MAX: variants seen among roughly 807,000 people sequenced by gnomAD.
MAX encodes MYC associated transcriptional regulator X.
MAX carries 3 observed loss-of-function variants against 22.3 expected under a neutral mutation model. That is an observed-to-expected ratio of 0.13 (90% CI 0.06 to 0.35). The LOEUF is 0.35. MAX is among the 10% of genes least tolerant of loss of function. MAX has a pLI of 1.00. For synonymous variants in MAX, 72 were observed against 77.7 expected, an observed-to-expected ratio of 0.93 and a Z score of 0.39; for missense variants, 119 against 209.4, an observed-to-expected ratio of 0.57 and a Z score of 2.66.
chr14:65,102,689 C>G, upstream of MAX: 2 of 566,208 alleles, frequency 3.5e-6, no homozygotes, highest in Non-Finnish European at 4.4e-6. Context: ...GACGCCAGCC[C>G]GGCTTGTTGA....
At chr14:65,061,489 G>A in intron 3 of MAX, 3 of 1,174,306 alleles carry the variant, frequency 2.6e-6, no homozygotes, top group South Asian at 3.4e-5. Context: ...GAACACAGTG[G>A]CTGGTTTTAA....
At chr14:65,053,338 T>C in intron 3 of MAX, 1 of 1,438,056 alleles carries the variant, frequency 7.0e-7, no homozygotes, top group South Asian at 1.6e-5. Flanking sequence ...GGCTTCTGGA[T>C]AAACCTGGCA....
intron 3 of MAX, among the ~76,000 whole-genome samples, chr14:65,018,148 T>C (rs1029824013): frequency 6.6e-6 from 1 of 151,518 alleles, no homozygotes; most frequent in Non-Finnish European, 1.5e-5. Flanking sequence ...TCAAGACCAG[T>C]CTGGGCGACA....
rs1291213166 is a variant in MAX at position 65,028,292 on chromosome 14, G to A, written c.172-22008C>T. On this transcript the variant is annotated intron_variant, in intron 3 of 3. Coordinates refer to the MAX transcript ENST00000341653. This position sits in a 1 kb window ranked among gnomAD's most constrained non-coding sequence, Gnocchi z 4.4. ...TGCAATAAAATCGCATTAACTGATT[G>A]GTGCCAGTTAGCTCGAAATTATTAT... Among the ~76,000 whole-genome samples, 2 of 152,152 alleles carry A rather than the reference G, an allele frequency of 1.3e-5. No individual in the cohort carries two copies. Among genetic ancestry groups the A allele is most frequent in the African/African-American group, 4.8e-5 (2 of 41,426 alleles).
Position 65,077,014 on chromosome 14 carries a change from C to T in MAX, c.296-351G>A, listed in dbSNP as rs1185520436. 1 of 542,738 alleles carries T rather than the reference C, an allele frequency of 1.8e-6. No individual in the cohort carries two copies. The highest frequency in any genetic ancestry group is 1.9e-5 in the African/African-American group (1 of 52,840). The allele number at this position is 542,738 out of a possible 1,614,324, so 33.6% of individuals were successfully genotyped here. A position where few individuals can be genotyped will look rare whatever the true frequency, so the allele number is the denominator to read the frequency against. On this transcript the variant is annotated intron_variant, in intron 4 of 4. Coordinates refer to ENST00000358664, the MANE Select transcript of MAX (RefSeq NM_002382.5). This position sits in a 1 kb window ranked among gnomAD's most constrained non-coding sequence, Gnocchi z 6.3. Reference sequence around the variant, plus strand: ...AACAGAGGAGAAGCTGGCCCAGGAGCATGAGGCTCCACAAGGTGTGAGGCC... The same window carrying T: ...AACAGAGGAGAAGCTGGCCCAGGAGTATGAGGCTCCACAAGGTGTGAGGCC...
At chr14:65,080,515 A>G (rs547197368) in intron 3 of MAX, among the ~76,000 whole-genome samples, 3 of 152,300 alleles carry the variant, frequency 2.0e-5, no homozygotes, top group South Asian at 2.1e-4. Flanking sequence ...GTGGCAAGGA[A>G]GAATTTGGGA....
At position 65,008,670 on chromosome 14, in the gene MAX, A is replaced by G. The variant is rs144344393; in HGVS notation, c.172-2386T>C. ...GAGTGTTCCAGGCAGAGGGAACAGC[A>G]TGTGCTAAAGCCAGGAGACTGAAAG... is the stretch of plus-strand genomic sequence containing the variant. On this transcript the variant is annotated intron_variant, in intron 3 of 3. Transcript: ENST00000341653. Among the ~76,000 whole-genome samples, 766 of 152,352 alleles carry G rather than the reference A, an allele frequency of 5.0e-3. 4 individuals carry two copies. The highest frequency in any genetic ancestry group is 0.018 in the African/African-American group (731 of 41,572).
chr14:65,017,715 G>A (rs1370627821), intron 3 of MAX, among the ~76,000 whole-genome samples: 5 of 152,146 alleles, frequency 3.3e-5, no homozygotes, highest in Non-Finnish European at 7.4e-5. Flanking sequence ...AAGCACTTTG[G>A]GAGGTTGAGG....
rs569242563 is a variant in MAX, at chr14:65,079,534, G to A, written c.172-1498C>T. On this transcript the variant is annotated intron_variant, in intron 3 of 4. Coordinates refer to ENST00000358664, the MANE Select transcript of MAX (RefSeq NM_002382.5). This position sits in a 1 kb window ranked among gnomAD's most constrained non-coding sequence, Gnocchi z 4.5. ...CTGGTAGAATAGTACAAAGCCAAGC[G>A]AAGCTCAAGGCGGGGTAGCCTAGTA... Among the ~76,000 whole-genome samples the A allele has an allele frequency of 2.3e-4, 35 of 152,372 alleles. No individual in the cohort carries two copies. In the East Asian group the frequency reaches 4.6e-3, roughly 20 times the overall value.
chr14:65,079,109 G>A lies in MAX; in HGVS notation c.172-1073C>T, dbSNP rs1341227056. The stretch of plus-strand genomic sequence containing the variant: ...AATACTACTTAAATGAAAGCTTTAG[G>A]TCACTAATTCTGCTAGGGCCTGGCT... On this transcript the variant is annotated intron_variant, in intron 3 of 4. Transcript: ENST00000358664. This position sits in a 1 kb window ranked among gnomAD's most constrained non-coding sequence, Gnocchi z 4.5. Among the ~76,000 whole-genome samples, 2 of 152,070 alleles carry A rather than the reference G, an allele frequency of 1.3e-5. No individual in the cohort carries two copies. The highest frequency in any genetic ancestry group is 1.9e-4 in the East Asian group (1 of 5,196).
chr14:65,085,260 A>C (rs1380671970), intron 3 of MAX, among the ~76,000 whole-genome samples: 1 of 152,208 alleles, frequency 6.6e-6, no homozygotes, highest in South Asian at 2.1e-4. Context: ...TTATATTTAA[A>C]ATGCAATTGT....
rs2062959488 is a variant in MAX at position 65,069,016 on chromosome 14, G to A, written c.171+24692C>T. The stretch of plus-strand genomic sequence containing the variant: ...AGGGCTGCAAGGGTGCTGCTCCCAG[G>A]TGTGCTGAACAGAGAGGTAGCCAGG... On this transcript the variant is annotated intron_variant, in intron 3 of 3. Coordinates refer to the MAX transcript ENST00000341653. The surrounding 1 kb of genome is among the most constrained non-coding windows in gnomAD (Gnocchi z 4.6). Among the ~76,000 whole-genome samples the A allele has an allele frequency of 2.0e-5, 3 of 152,176 alleles. No homozygotes were observed. Among genetic ancestry groups the A allele is most frequent in the African/African-American group, 2.4e-5 (1 of 41,434 alleles).
chr14:65,062,355 A>G lies in MAX; in HGVS notation c.171+31353T>C, dbSNP rs1333722250. ...ACACACTGGCTGCTACTAAGGCACTAGCCTCTGTAGCTGGTGGTGGCAGCG... is the reference window on the plus strand; with the variant it reads ...ACACACTGGCTGCTACTAAGGCACTGGCCTCTGTAGCTGGTGGTGGCAGCG... On this transcript the variant is annotated intron_variant, in intron 3 of 3. Coordinates refer to the MAX transcript ENST00000341653. The surrounding 1 kb of genome is among the most constrained non-coding windows in gnomAD (Gnocchi z 4.3). The G allele has an allele frequency of 2.0e-5, 3 of 152,412 alleles. No homozygotes were observed. Among genetic ancestry groups the G allele is most frequent in the Admixed American group, 1.3e-4 (2 of 15,290 alleles). The allele number at this position is 152,412 out of a possible 1,614,324, so 9.4% of individuals were successfully genotyped here. A position where few individuals can be genotyped will look rare whatever the true frequency, so the allele number is the denominator to read the frequency against.
intron 3 of MAX, among the ~76,000 whole-genome samples, chr14:65,087,899 C>T (rs1260303277): frequency 6.6e-6 from 1 of 152,110 alleles, no homozygotes; most frequent in Non-Finnish European, 1.5e-5. Context: ...GGCAGGAACT[C>T]GGTGGGAGGT....
intron 2 of MAX, among the ~76,000 whole-genome samples, chr14:65,096,948 G>A (rs912817395): frequency 7.2e-5 from 11 of 152,076 alleles, no homozygotes; most frequent in African/African-American, 2.2e-4. Flanking sequence ...CTTCTAGTAC[G>A]CTGGATTTGT....
At chr14:65,090,481 TGA>T (rs2063471990) in intron 3 of MAX, 1 of 152,204 alleles carries the variant, frequency 6.6e-6, no homozygotes, top group African/African-American at 2.4e-5. Flanking sequence ...CAATTATTAC[TGA>T]TTTTTTTCCT....
At chr14:65,043,303 G>A (rs972318420) in intron 3 of MAX, among the ~76,000 whole-genome samples, 9 of 152,332 alleles carry the variant, frequency 5.9e-5, no homozygotes, top group Middle Eastern at 3.4e-3. Flanking sequence ...AGCAAGGAAT[G>A]GTGGTATCGT....
intron 3 of MAX, among the ~76,000 whole-genome samples, chr14:65,043,782 AC>A (rs2062407073): frequency 1.5e-5 from 2 of 132,914 alleles, no homozygotes; most frequent in Admixed American, 8.6e-5. Flanking sequence ...AGATTGCGCC[AC>A]TGCAGTCCGC....
Position 65,023,988 on chromosome 14 carries a change from G to A in MAX, c.172-17704C>T, listed in dbSNP as rs957738065. Among the ~76,000 whole-genome samples the A allele has an allele frequency of 6.6e-5, 10 of 152,076 alleles. No homozygotes were observed. Among genetic ancestry groups the A allele is most frequent in the African/African-American group, 2.4e-4 (10 of 41,402 alleles). Reference sequence around the variant, plus strand: ...GTGGCGGCATGCACCTGTAGTCCCAGCTACTCGGGAGGCTGAGGGAGGAGA... The same window carrying A: ...GTGGCGGCATGCACCTGTAGTCCCAACTACTCGGGAGGCTGAGGGAGGAGA... On this transcript the variant is annotated intron_variant, in intron 3 of 3. Coordinates refer to the MAX transcript ENST00000341653. This position sits in a 1 kb window ranked among gnomAD's most constrained non-coding sequence, Gnocchi z 4.1.
Sources: gnomAD v4.1 joint callset for allele counts (sites outside exome capture counted in the v4.1 genomes callset) on GRCh38, gnomAD v4.1.1 for gene constraint, Gnocchi (gnomAD v3.1) non-coding constraint, MANE v1.5 for transcripts, NCBI Gene and HGNC (gene_info 2026-07-23, HGNC 2026-07-21) for gene names.